Variants in NCOA7 observed in about 807,000 individuals in gnomAD.
NCOA7 encodes the protein 140 kDa estrogen receptor-associated protein.
In NCOA7, 45 loss-of-function variants were observed where a neutral mutation model predicts 104.3. The ratio of observed to expected loss-of-function variants is 0.43; its 90% CI spans 0.34 to 0.55. The LOEUF is 0.55. NCOA7 is among the 20% of genes least tolerant of loss of function. The pLI, the probability that NCOA7 is intolerant of heterozygous loss-of-function variation, is 0.02. For missense variants in NCOA7, 1,041 were observed against 1,119.7 expected (o/e 0.93, Z 1.00); for synonymous variants, 398 against 402.3 (o/e 0.99, Z 0.13).
At chr6:125,810,982 A>T (rs1181281148) in intron 1 of NCOA7, among the ~76,000 whole-genome samples, 1 of 152,230 alleles carries the variant, frequency 6.6e-6, no homozygotes, top group Non-Finnish European at 1.5e-5. Flanking sequence ...CTTGAACCAA[A>T]TATTAGTTTC....
chr6:125,904,147 A>ACCCACCTGCTCTGTCTTCT (rs1785756339), intron 10 of NCOA7, among the ~76,000 whole-genome samples: 1 of 152,098 alleles, frequency 6.6e-6, no homozygotes, highest in African/African-American at 2.4e-5. Flanking sequence ...TGACCTAGTG[A>ACCCACCTGCTCTGTCTTCT]CCCACCTGCT....
At chr6:125,782,137 T>G (rs551972244) in intron 1 of NCOA7, among the ~76,000 whole-genome samples, 1 of 152,338 alleles carries the variant, frequency 6.6e-6, no homozygotes, top group South Asian at 2.1e-4. Context: ...TGAGAATAAT[T>G]GGATATATTG....
chr6:125,868,464 A>G (rs1480773574), intron 3 of NCOA7, among the ~76,000 whole-genome samples: 3 of 152,214 alleles, frequency 2.0e-5, no homozygotes, highest in Admixed American at 2.0e-4. Context: ...TTACAGCTAA[A>G]CCGTTGCACA....
At chr6:125,925,359 G>C (rs1787932388) in intron 13 of NCOA7, among the ~76,000 whole-genome samples, 1 of 152,200 alleles carries the variant, frequency 6.6e-6, no homozygotes. Flanking sequence ...AGAGATCCAA[G>C]AAAAGAGACA....
intron 2 of NCOA7, among the ~76,000 whole-genome samples, chr6:125,835,330 A>C (rs954892167): frequency 1.3e-5 from 2 of 152,122 alleles, no homozygotes; most frequent in Non-Finnish European, 2.9e-5. Context: ...AATAGTCAGG[A>C]AGCTCTTTCC....
rs1562200259 is a variant in NCOA7, at chr6:125,929,625, T to C, written c.*854T>C. The C allele has an allele frequency of 6.6e-6, 1 of 152,176 alleles. No homozygotes were observed. The highest frequency in any genetic ancestry group is 6.5e-5 in the Admixed American group (1 of 15,280). 9.4% of individuals were successfully genotyped at this position (152,176 alleles called of 1,614,324 possible). ...CATTTAGTCAATAAAAGCGTACATT[T>C]TTAGTTACTTACCTTGAACATATTC... On this transcript the variant is annotated 3_prime_UTR_variant, in exon 16 of 16. Coordinates refer to ENST00000392477, the MANE Select transcript of NCOA7 (RefSeq NM_181782.5).
chr6:125,820,785 C>A (rs1199981708), intron 2 of NCOA7, among the ~76,000 whole-genome samples: 1 of 152,196 alleles, frequency 6.6e-6, no homozygotes, highest in Non-Finnish European at 1.5e-5. Context: ...GAAGAAGGAA[C>A]ACTTAACGAC....
At chr6:125,901,599 G>A (rs552187251) in intron 10 of NCOA7, among the ~76,000 whole-genome samples, 9 of 152,312 alleles carry the variant, frequency 5.9e-5, no homozygotes, top group East Asian at 3.9e-4. Flanking sequence ...CCATAGTAGC[G>A]TCTAGGGGTT....
chr6:125,895,963 A>ATG (rs1317010657), intron 10 of NCOA7, among the ~76,000 whole-genome samples: 30 of 137,354 alleles, frequency 2.2e-4, no homozygotes, highest in Admixed American at 4.3e-4. Context: ...ATATATGTAT[A>ATG]TATGTGTGTG....
In NCOA7 at chr6:125,920,911, GTTATTTTTCTTGGC is replaced by G; in HGVS notation, c.2245-29_2245-16del. 1 of 1,606,320 alleles carries G rather than the reference GTTATTTTTCTTGGC, an allele frequency of 6.2e-7. No homozygotes were observed. Among genetic ancestry groups the G allele is most frequent in the South Asian group, 1.1e-5 (1 of 90,914 alleles). On this transcript the variant is annotated intron_variant, in intron 11 of 15. Transcript: ENST00000392477. Reference sequence around the variant, plus strand: ...TAGCAGTTAGAAGAAAAGCCAATAAGTTATTTTTCTTGGCTTGTTTTCTCATTTCAGATCATCAC... The same window carrying G: ...TAGCAGTTAGAAGAAAAGCCAATAAGTTGTTTTCTCATTTCAGATCATCAC...
intron 10 of NCOA7, among the ~76,000 whole-genome samples, chr6:125,899,269 A>G (rs1256276501): frequency 1.3e-5 from 2 of 152,216 alleles, no homozygotes; most frequent in African/African-American, 4.8e-5. Flanking sequence ...AGGAATTACA[A>G]ACTGACCTAG....
Position 125,792,778 on chromosome 6 carries a change from G to GA in NCOA7, c.-65+1722dup, listed in dbSNP as rs58392952. ...CTGCTTTAAAATGTTATATCATTTTGAAAAAAAAAAAGAAAAACAAGGTTA... is the reference window on the plus strand; with the variant it reads ...CTGCTTTAAAATGTTATATCATTTTGAAAAAAAAAAAAGAAAAACAAGGTTA... On this transcript the variant is annotated intron_variant, in intron 1 of 15. Transcript: ENST00000392477. Among the ~76,000 whole-genome samples, 710 of 141,534 alleles carry GA rather than the reference G, an allele frequency of 5.0e-3. 3 individuals carry two copies. Among genetic ancestry groups the GA allele is most frequent in the African/African-American group, 8.5e-3 (332 of 39,128 alleles). 92.9% of individuals were successfully genotyped at this position (141,534 alleles called of 152,430 possible). A position where few individuals can be genotyped will look rare whatever the true frequency, so the allele number is the denominator to read the frequency against.
At chr6:125,832,089 T>C (rs1779238280) in intron 2 of NCOA7, among the ~76,000 whole-genome samples, 2 of 152,222 alleles carry the variant, frequency 1.3e-5, no homozygotes, top group Admixed American at 6.5e-5. Flanking sequence ...TTTCACAGTG[T>C]TATCTGCTCT....
chr6:125,823,764 C>G (rs1353086259), intron 2 of NCOA7, among the ~76,000 whole-genome samples: 1 of 152,070 alleles, frequency 6.6e-6, no homozygotes, highest in South Asian at 2.1e-4. Flanking sequence ...ATACTACAAG[C>G]TGTGGGTTAT....
intron 3 of NCOA7, among the ~76,000 whole-genome samples, chr6:125,860,257 T>G (rs182018272): frequency 1.3e-5 from 2 of 152,218 alleles, no homozygotes; most frequent in Non-Finnish European, 2.9e-5. Flanking sequence ...TACAAGCACC[T>G]TGGAATGTTT....
intron 2 of NCOA7, among the ~76,000 whole-genome samples, chr6:125,847,933 A>C (rs531326097): frequency 6.6e-6 from 1 of 152,176 alleles, no homozygotes; most frequent in African/African-American, 2.4e-5. Context: ...TCCAGAATCT[A>C]CAAAGAACTC....
At chr6:125,820,465 G>A (rs1778069164) in intron 2 of NCOA7, among the ~76,000 whole-genome samples, 2 of 152,248 alleles carry the variant, frequency 1.3e-5, no homozygotes, top group South Asian at 2.1e-4. Flanking sequence ...CCAGCAAGGA[G>A]GGCCAGAGCT....
chr6:125,869,653 GACT>G (rs1398331693), intron 3 of NCOA7, among the ~76,000 whole-genome samples: 2 of 152,230 alleles, frequency 1.3e-5, no homozygotes, highest in African/African-American at 4.8e-5. Context: ...GAGCACGTGA[GACT>G]ACTCAGGCAG....
intron 8 of NCOA7, among the ~76,000 whole-genome samples, chr6:125,886,901 C>T (rs1359711010): frequency 1.2e-4 from 19 of 152,208 alleles, no homozygotes; most frequent in East Asian, 3.8e-4. Context: ...TGTGTATGTG[C>T]GCGTGCACAC....
Sources: allele counts gnomAD v4.1 joint callset (sites outside exome capture counted in the v4.1 genomes callset), GRCh38; gene constraint gnomAD v4.1.1; transcripts MANE v1.5; gene names NCBI Gene and HGNC (gene_info 2026-07-23, HGNC 2026-07-21).